HMGA2: variants seen among roughly 807,000 people sequenced by gnomAD.
HMGA2 encodes the protein high mobility group AT-hook 2, also known as high mobility group protein HMGI-C.
A neutral mutation model predicts 19.1 loss-of-function variants in HMGA2; 8 were observed. That is an observed-to-expected ratio of 0.42 (90% CI 0.25 to 0.76). HMGA2 has a LOEUF of 0.76. HMGA2 is among the 30% of genes least tolerant of loss of function. The pLI is 0.28. For synonymous variants in HMGA2, 60 were observed against 48.8 expected (o/e 1.23, Z -0.96); for missense variants, 109 against 136.3 (o/e 0.80, Z 1.00).
chr12:65,962,643 T>C (rs1202645135), intron 4 of HMGA2, among the ~76,000 whole-genome samples: 1 of 152,124 alleles, frequency 6.6e-6, no homozygotes, highest in Non-Finnish European at 1.5e-5. Flanking sequence ...CACACAGGTG[T>C]TGGCACCAGT....
At chr12:65,934,053 T>G (rs1875809145) in intron 3 of HMGA2, among the ~76,000 whole-genome samples, 1 of 152,220 alleles carries the variant, frequency 6.6e-6, no homozygotes, top group South Asian at 2.1e-4. Flanking sequence ...AGAAAAAGTT[T>G]ACATGTGTTT....
chr12:65,870,924 G>A (rs773636789), intron 3 of HMGA2, among the ~76,000 whole-genome samples: 2 of 152,114 alleles, frequency 1.3e-5, no homozygotes, highest in East Asian at 1.9e-4. Flanking sequence ...GAACCTAAAC[G>A]CTTTGTGGTA....
chr12:65,866,955 C>A (rs568075669), intron 3 of HMGA2: 1 of 456,570 alleles, frequency 2.2e-6, no homozygotes, highest in African/African-American at 2.0e-5. Context: ...CATCTTGACA[C>A]TGGTAGAGAG....
intron 3 of HMGA2, among the ~76,000 whole-genome samples, chr12:65,900,813 C>T (rs563002280): frequency 8.3e-4 from 126 of 152,240 alleles, no homozygotes; most frequent in African/African-American, 2.6e-3. Context: ...GCTGGAGGCA[C>T]GTTGGAGCCA....
At chr12:65,868,222 A>T (rs1872532044) in intron 3 of HMGA2, among the ~76,000 whole-genome samples, 1 of 152,146 alleles carries the variant, frequency 6.6e-6, no homozygotes, top group Admixed American at 6.5e-5. Context: ...TTAAATTGTT[A>T]ATTCTTTGAG....
intron 1 of HMGA2, chr12:65,826,902 C>G (rs2120821414): frequency 6.6e-6 from 1 of 152,232 alleles, no homozygotes; most frequent in South Asian, 2.1e-4. Flanking sequence ...TGTTTGCTCT[C>G]GATGTGCCCA....
intron 3 of HMGA2, chr12:65,857,168 G>A (rs1169618789): frequency 6.6e-6 from 1 of 152,164 alleles, no homozygotes; most frequent in African/African-American, 2.4e-5. Flanking sequence ...TTTATAGACT[G>A]CTTTTGGTGT....
chr12:65,847,159 C>G (rs561662307), intron 3 of HMGA2, among the ~76,000 whole-genome samples: 1 of 152,022 alleles, frequency 6.6e-6, no homozygotes, highest in African/African-American at 2.4e-5. Context: ...GGGTTACATT[C>G]TCTCATTATC....
chr12:65,963,421 T>TGG lies in HMGA2; in HGVS notation c.*133_*134dup, dbSNP rs1876811968. On this transcript the variant is annotated 3_prime_UTR_variant, in exon 5 of 5. Transcript: ENST00000403681. ...TCATCTGGGGTGGGGTGGGGTGGGG[T>TGG]GGGGGAGGGGGGGGTGGGGTGGGGA... 1 of 2,608 alleles carries TGG rather than the reference T, an allele frequency of 3.8e-4. No individual in the cohort carries two copies. 0.2% of individuals were successfully genotyped at this position (2,608 alleles called of 1,614,324 possible).
intron 3 of HMGA2, among the ~76,000 whole-genome samples, chr12:65,888,324 TG>T (rs2121127266): frequency 6.6e-6 from 1 of 151,478 alleles, no homozygotes; most frequent in African/African-American, 2.4e-5. Context: ...GGCGCAGTGG[TG>T]TGCGCCTATG....
Position 65,965,931 on chromosome 12 carries a change from A to C in HMGA2, c.*2639A>C, listed in dbSNP as rs1876895075. 4 of 217,398 alleles carry C rather than the reference A, an allele frequency of 1.8e-5. No homozygotes were observed. The highest frequency in any genetic ancestry group is 1.4e-4 in the East Asian group (2 of 14,802). 13.5% of individuals were successfully genotyped at this position (217,398 alleles called of 1,614,324 possible). On this transcript the variant is annotated 3_prime_UTR_variant, in exon 5 of 5. Transcript: ENST00000403681. ...ATATAGTTTATTTTTGTGGGAGATA[A>C]ATTTTATAGGACTGTTCTTTGCTGT...
intron 1 of HMGA2, chr12:65,826,278 G>T (rs895578961): frequency 1.3e-5 from 2 of 152,334 alleles, no homozygotes; most frequent in Non-Finnish European, 1.5e-5. Context: ...GCGGAGTGGA[G>T]GGTTTTGTCT....
chr12:65,874,638 C>G (rs1186034188), intron 3 of HMGA2, among the ~76,000 whole-genome samples: 1 of 152,150 alleles, frequency 6.6e-6, no homozygotes, highest in African/African-American at 2.4e-5. Context: ...TAATAAGCAG[C>G]TTGCTACCCT....
intron 3 of HMGA2, among the ~76,000 whole-genome samples, chr12:65,944,036 C>G (rs533522470): frequency 3.9e-5 from 6 of 152,298 alleles, no homozygotes; most frequent in Non-Finnish European, 7.3e-5. Context: ...ATTTGTATAG[C>G]TAGCTGTAGC....
intron 3 of HMGA2, among the ~76,000 whole-genome samples, chr12:65,865,954 T>G (rs954483041): frequency 6.6e-6 from 1 of 152,122 alleles, no homozygotes; most frequent in Admixed American, 6.5e-5. Context: ...CCCCATCTAT[T>G]TTTCACTAAT....
chr12:65,860,086 T>G (rs781101032), intron 3 of HMGA2: 3 of 443,672 alleles, frequency 6.8e-6, no homozygotes, highest in South Asian at 4.7e-5. Flanking sequence ...AGCAAGACTC[T>G]GTCTGAAAAG....
intron 3 of HMGA2, among the ~76,000 whole-genome samples, chr12:65,893,980 T>C (rs1475113033): frequency 2.0e-5 from 3 of 152,192 alleles, no homozygotes; most frequent in Admixed American, 6.5e-5. Context: ...TTTAGTACTA[T>C]AAAGAAATGA....
intron 3 of HMGA2, among the ~76,000 whole-genome samples, chr12:65,901,314 T>A (rs1439900459): frequency 6.6e-6 from 1 of 152,230 alleles, no homozygotes; most frequent in Non-Finnish European, 1.5e-5. Flanking sequence ...AAAACTATCA[T>A]CCGGTTTAAC....
chr12:65,943,983 C>G (rs1281492747), intron 3 of HMGA2, among the ~76,000 whole-genome samples: 3 of 152,204 alleles, frequency 2.0e-5, no homozygotes, highest in Non-Finnish European at 4.4e-5. Context: ...AGCACTAAAA[C>G]AGAAAAGCTT....
Sources: allele counts gnomAD v4.1 joint callset (sites outside exome capture counted in the v4.1 genomes callset), GRCh38; gene constraint gnomAD v4.1.1; transcripts MANE v1.5; gene names NCBI Gene and HGNC (gene_info 2026-07-23, HGNC 2026-07-21).